Variants in RABL6 observed in about 807,000 individuals in gnomAD.
The protein encoded by RABL6 is rab-like protein 6.
RABL6 carries 28 observed loss-of-function variants against 72.9 expected under a neutral mutation model. The observed-to-expected ratio is 0.38, with a 90% CI of 0.28 to 0.53. The LOEUF is 0.53. Among genes scored for constraint, RABL6 ranks in the 20% least tolerant of loss-of-function variants. RABL6 has a pLI of 0.80. For missense variants in RABL6, 1,029 were observed against 1,008.4 expected, an observed-to-expected ratio of 1.02 and a Z score of -0.28; for synonymous variants, 477 against 421.2, an observed-to-expected ratio of 1.13 and a Z score of -1.62.
intron 8 of RABL6, 37 bp downstream of exon 8, chr9:136,835,882 G>C (rs1398341080): frequency 1.3e-6 from 2 of 1,536,460 alleles, no homozygotes; most frequent in African/African-American, 2.7e-5. Flanking sequence ...GCGGTGTGGG[G>C]GCTGCGGGCG....
At chr9:136,819,750 C>T (rs933575097) in intron 1 of RABL6, among the ~76,000 whole-genome samples, 1 of 152,090 alleles carries the variant, frequency 6.6e-6, no homozygotes, top group African/African-American at 2.4e-5. Context: ...GACCTGAAGG[C>T]TCAAGGAACA....
chr9:136,822,727 C>T (rs995830529), intron 1 of RABL6, among the ~76,000 whole-genome samples: 8 of 152,206 alleles, frequency 5.3e-5, no homozygotes, highest in Non-Finnish European at 1.2e-4. Context: ...GGCCCAGGCC[C>T]GGGGCTACCC....
At chr9:136,811,438 C>G (rs546748477) in intron 1 of RABL6, among the ~76,000 whole-genome samples, 2 of 151,754 alleles carry the variant, frequency 1.3e-5, no homozygotes, top group Non-Finnish European at 2.9e-5. Context: ...GCCAACATGT[C>G]GAAACCCCGT....
intron 1 of RABL6, among the ~76,000 whole-genome samples, chr9:136,811,505 C>G (rs1049872803): frequency 5.3e-5 from 8 of 151,816 alleles, no homozygotes; most frequent in Admixed American, 2.6e-4. Flanking sequence ...GTAATCCCAG[C>G]TACTCAGGAG....
chr9:136,823,076 A>G (rs1222394735), intron 1 of RABL6, among the ~76,000 whole-genome samples: 1 of 125,820 alleles, frequency 7.9e-6, no homozygotes, highest in Non-Finnish European at 1.6e-5. Flanking sequence ...CAAAAAAGCG[A>G]GACTCCGTCT....
chr9:136,833,913 AT>A, intron 7 of RABL6: 2 of 1,550,420 alleles, frequency 1.3e-6, no homozygotes, highest in Non-Finnish European at 1.7e-6. Context: ...CACTGGGTTG[AT>A]TACTCCTTAG....
At chr9:136,832,957 G>A in intron 7 of RABL6, 1 of 343,366 alleles carries the variant, frequency 2.9e-6, no homozygotes, top group Non-Finnish European at 5.7e-6. Context: ...GCCCTGGGCT[G>A]CCCTGATTGG....
chr9:136,834,463 TG>T, intron 7 of RABL6: 2 of 984,766 alleles, frequency 2.0e-6, no homozygotes, highest in Non-Finnish European at 2.4e-6. Flanking sequence ...TGTTATAGCC[TG>T]GGGACCTTAA....
intron 1 of RABL6, chr9:136,812,679 T>C: frequency 4.4e-6 from 1 of 228,534 alleles, no homozygotes; most frequent in Non-Finnish European, 8.9e-6. Flanking sequence ...CTGTAGACTG[T>C]CTTGGAATGT....
At chr9:136,820,099 T>C (rs918593491) in intron 1 of RABL6, among the ~76,000 whole-genome samples, 1 of 149,154 alleles carries the variant, frequency 6.7e-6, no homozygotes, top group Non-Finnish European at 1.5e-5. Flanking sequence ...CTTGGGAGGC[T>C]GAGATGGGAG....
intron 7 of RABL6, 45 bp downstream of exon 7, chr9:136,832,415 C>G (rs1193149240): frequency 3.4e-6 from 5 of 1,457,360 alleles, no homozygotes; most frequent in Non-Finnish European, 4.8e-6. Flanking sequence ...GGTCTCTCAC[C>G]TCCTTCCAGG....
chr9:136,825,474 C>CG (rs1234307190), intron 2 of RABL6, among the ~76,000 whole-genome samples: 4 of 142,668 alleles, frequency 2.8e-5, no homozygotes, highest in Non-Finnish European at 6.0e-5. Context: ...TGCCCAGGAT[C>CG]GGGGCCCTGG....
intron 1 of RABL6, chr9:136,821,293 T>C: frequency 2.0e-6 from 2 of 981,020 alleles, no homozygotes; most frequent in Non-Finnish European, 2.4e-6. Flanking sequence ...GCGGTCGCTG[T>C]GACCGTCTCT....
chr9:136,812,693 CAGAG>C (rs762699588), intron 1 of RABL6: 117 of 258,892 alleles, frequency 4.5e-4, no homozygotes, highest in Non-Finnish European at 7.6e-4. Context: ...GGAATGTCCT[CAGAG>C]AGCTCTGTCA....
chr9:136,829,568 G>GT (rs1848429096), intron 5 of RABL6, 84 bp downstream of exon 5: 5 of 1,227,850 alleles, frequency 4.1e-6, no homozygotes, highest in Non-Finnish European at 5.9e-6. Context: ...GCAGATAATG[G>GT]TTAGAGCAGC....
chr9:136,828,722 G>A (rs987068331), intron 4 of RABL6, among the ~76,000 whole-genome samples, 176 bp downstream of exon 4: 2 of 152,208 alleles, frequency 1.3e-5, no homozygotes, highest in African/African-American at 2.4e-5. Context: ...GTATCTGGGG[G>A]TGGCCGGCTC....
chr9:136,829,490 A>AGGGAGCTGGCGGG lies in RABL6; in HGVS notation c.458+9_458+21dup. 6.4e-7 allele frequency: 1 copy of AGGGAGCTGGCGGG among 1,574,270 alleles called. No homozygotes were observed. The highest frequency in any genetic ancestry group is 8.6e-7 in the Non-Finnish European group (1 of 1,160,328). ...TTCGACATTACCAAGCAGTGGTAAGAGGGAGCTGGCGGGGGCAGCTGCCTG... is the reference window on the plus strand; with the variant it reads ...TTCGACATTACCAAGCAGTGGTAAGAGGGAGCTGGCGGGGGGAGCTGGCGGGGGCAGCTGCCTG... On this transcript the variant is annotated splice_region_variant and intron_variant, in intron 5 of 14. Transcript: ENST00000311502.
chr9:136,813,548 C>G (rs562281809), intron 1 of RABL6: 4 of 410,584 alleles, frequency 9.7e-6, no homozygotes, highest in African/African-American at 4.2e-5. Context: ...CTGTCTTAAC[C>G]TCAATATAAG....
In RABL6 at chr9:136,839,874, G is replaced by A. The variant is rs761297801; in HGVS notation, c.1930+9G>A. The A allele has an allele frequency of 1.9e-6, 3 of 1,609,966 alleles. No homozygotes were observed. Among genetic ancestry groups the A allele is most frequent in the African/African-American group, 2.7e-5 (2 of 75,016 alleles). On this transcript the variant is annotated intron_variant, in intron 13 of 14. Transcript: ENST00000311502. ...GGAGAGCAGTGAGGAAGGTGGGTGG[G>A]GGCACCAGAGTGCGGTCAGCCTGCT... is the stretch of plus-strand genomic sequence containing the variant.
Sources: gnomAD v4.1 joint callset for allele counts (sites outside exome capture counted in the v4.1 genomes callset) on GRCh38, gnomAD v4.1.1 for gene constraint, MANE v1.5 for transcripts, NCBI Gene and HGNC (gene_info 2026-07-23, HGNC 2026-07-21) for gene names.